The following SCAPER variants were observed in gnomAD, a reference collection of about 807,000 sequenced individuals.
SCAPER encodes S phase cyclin A-associated protein in the endoplasmic reticulum.
SCAPER carries 98 observed loss-of-function variants against 182.2 expected under a neutral mutation model. That is an observed-to-expected ratio of 0.54 (90% confidence interval 0.46 to 0.64). SCAPER has a LOEUF of 0.64. Ranked by LOEUF, SCAPER falls within the 30% of genes least tolerant of loss-of-function variation. The pLI, the probability that SCAPER is intolerant of heterozygous loss-of-function variation, is 0.00. For missense variants in SCAPER, 1,432 were observed against 1,690.0 expected (o/e 0.85, Z 2.68); for synonymous variants, 605 against 564.6 (o/e 1.07, Z -1.01).
At chr15:76,440,353 A>G (rs1462052899) in intron 25 of SCAPER, among the ~76,000 whole-genome samples, 1 of 152,246 alleles carries the variant, frequency 6.6e-6, no homozygotes, top group Non-Finnish European at 1.5e-5. Flanking sequence ...CCCATTGCCA[A>G]AGTGGTTTCA....
chr15:76,474,245 T>C (rs969988058), intron 24 of SCAPER, among the ~76,000 whole-genome samples: 6 of 152,238 alleles, frequency 3.9e-5, no homozygotes, highest in Non-Finnish European at 8.8e-5. Flanking sequence ...CAGAGTTATT[T>C]GTTCATTCAA....
At chr15:76,462,117 G>A (rs1183112703) in intron 25 of SCAPER, among the ~76,000 whole-genome samples, 1 of 152,054 alleles carries the variant, frequency 6.6e-6, no homozygotes, top group East Asian at 1.9e-4. Flanking sequence ...GGTTCTTCAG[G>A]ATAAAAAGAT....
chr15:76,807,462 GA>G (rs2066252622), intron 5 of SCAPER, among the ~76,000 whole-genome samples: 1 of 152,066 alleles, frequency 6.6e-6, no homozygotes, highest in African/African-American at 2.4e-5. Flanking sequence ...TTACTCTGTT[GA>G]GAATTTTTAT....
At chr15:76,370,775 G>A (rs1007485367) in intron 29 of SCAPER, among the ~76,000 whole-genome samples, 8 of 152,110 alleles carry the variant, frequency 5.3e-5, no homozygotes, top group Non-Finnish European at 1.2e-4. Flanking sequence ...TAGAACCCAG[G>A]CTTTCTATCT....
intron 20 of SCAPER, among the ~76,000 whole-genome samples, chr15:76,682,284 G>A (rs1242127778): frequency 1.6e-5 from 2 of 124,780 alleles, no homozygotes. Context: ...ACCCCACAGT[G>A]TACGTGTGAG....
intron 5 of SCAPER, among the ~76,000 whole-genome samples, chr15:76,817,477 G>T (rs1287452776): frequency 1.3e-5 from 2 of 152,112 alleles, no homozygotes; most frequent in Non-Finnish European, 2.9e-5. Flanking sequence ...TACGTAGGAT[G>T]AACAGGTCTA....
At chr15:76,756,973 G>A (rs1215569560) in intron 14 of SCAPER, among the ~76,000 whole-genome samples, 1 of 150,182 alleles carries the variant, frequency 6.7e-6, no homozygotes, top group African/African-American at 2.5e-5. Context: ...TAGTTATTCT[G>A]CTCTAAATAC....
intron 23 of SCAPER, among the ~76,000 whole-genome samples, chr15:76,568,289 T>C (rs981209886): frequency 1.3e-5 from 2 of 151,580 alleles, no homozygotes; most frequent in African/African-American, 4.9e-5. Flanking sequence ...TTGTCTCCAA[T>C]AGAACACTAT....
intron 5 of SCAPER, 133 bp downstream of exon 5, chr15:76,841,601 C>T (rs1190415639): frequency 1.4e-5 from 12 of 847,006 alleles, no homozygotes; most frequent in East Asian, 2.7e-5. Context: ...GAGCCAAGAT[C>T]GCGTCACTAC....
intron 5 of SCAPER, among the ~76,000 whole-genome samples, chr15:76,816,797 C>T (rs1412487092): frequency 2.6e-5 from 4 of 151,738 alleles, no homozygotes; most frequent in Admixed American, 6.6e-5. Context: ...GGACTACAGG[C>T]GCCCGCCACA....
intron 24 of SCAPER, among the ~76,000 whole-genome samples, chr15:76,495,091 G>T (rs1298508476): frequency 1.3e-5 from 2 of 152,026 alleles, no homozygotes; most frequent in East Asian, 3.9e-4. Flanking sequence ...GAAATCAAAT[G>T]CCTTACCATG....
At chr15:76,369,771 T>C (rs897560320) in intron 29 of SCAPER, among the ~76,000 whole-genome samples, 1 of 152,254 alleles carries the variant, frequency 6.6e-6, no homozygotes, top group African/African-American at 2.4e-5. Context: ...TTCCCAACTC[T>C]ATTGGGATAT....
rs1488619530 is a variant in SCAPER at position 76,354,051 on chromosome 15, T to C, written c.3945A>G (p.Lys1315=). Residue 1315 remains lysine, a synonymous_variant, in exon 30 of 32, where the codon AAA becomes AAG. Coordinates refer to ENST00000563290, the MANE Select transcript of SCAPER (RefSeq NM_020843.4). This position sits in a 1 kb window ranked among gnomAD's most constrained non-coding sequence, Gnocchi z 4.4. The part of the protein sequence containing the change: ...FQYFSDPRLI[K]VLFPSLIAAC... ...CAGCGATAAGTGAAGGGAACAGTAC[T>C]TTGATCAGCCGTGGGTCACTGAAAT... 5.0e-6 allele frequency: 8 copies of C among 1,610,262 alleles called. No homozygotes were observed. Among genetic ancestry groups the C allele is most frequent in the African/African-American group, 1.3e-5 (1 of 74,650 alleles).
intron 26 of SCAPER, among the ~76,000 whole-genome samples, chr15:76,433,172 T>A (rs1228388403): frequency 6.6e-6 from 1 of 152,076 alleles, no homozygotes; most frequent in Non-Finnish European, 1.5e-5. Flanking sequence ...TCAAGAAACT[T>A]GTAAAAGCTC....
rs1249829481 is a variant in SCAPER, at chr15:76,862,513, A to G, written c.27T>C (p.Asn9=). Residue 9 remains asparagine (N), a synonymous_variant, in exon 3 of 32, where the codon AAT becomes AAC. Transcript: ENST00000563290. MMASFQRS[N]SHDKVRRIVA... is the part of the protein sequence containing the mutation. ...CTATTCTCCTTACTTTGTCATGACT[A>G]TTGGAGCGCTGGAATGAAGCCTATG... 1.9e-6 allele frequency: 3 copies of G among 1,611,518 alleles called. No individual in the cohort carries two copies. The highest frequency in any genetic ancestry group is 2.5e-6 in the Non-Finnish European group (3 of 1,178,358).
intron 26 of SCAPER, among the ~76,000 whole-genome samples, chr15:76,419,605 G>A (rs910767342): frequency 5.3e-5 from 8 of 151,366 alleles, no homozygotes; most frequent in African/African-American, 1.7e-4. Flanking sequence ...CTGTAATCCC[G>A]GCTACTTGGG....
Position 76,870,626 on chromosome 15 carries a change from A to C in SCAPER, c.7-8093T>G, listed in dbSNP as rs969991304. ...AAGAATCAAAAAACTGAAATTAAGA[A>C]CTCAATGAATGGGTTTAACAAGAAA... On this transcript the variant is annotated intron_variant, in intron 2 of 31. Coordinates refer to ENST00000563290, the MANE Select transcript of SCAPER (RefSeq NM_020843.4). 1.2e-4 allele frequency among the ~76,000 whole-genome samples: 18 copies of C among 152,160 alleles called. 1 individual carries two copies. Among genetic ancestry groups the C allele is most frequent in the African/African-American group, 3.8e-4 (16 of 41,568 alleles).
intron 17 of SCAPER, among the ~76,000 whole-genome samples, chr15:76,708,840 C>G (rs1023901329): frequency 2.0e-5 from 3 of 151,962 alleles, no homozygotes; most frequent in African/African-American, 7.2e-5. Context: ...CCAAGGCAGG[C>G]AGATCACTTG....
intron 23 of SCAPER, among the ~76,000 whole-genome samples, chr15:76,515,527 T>C (rs1370859189): frequency 1.3e-5 from 2 of 152,178 alleles, no homozygotes; most frequent in Non-Finnish European, 2.9e-5. Flanking sequence ...AAATGGGTTA[T>C]ATAGACAAGA....
Sources: gnomAD v4.1 joint callset for allele counts (sites outside exome capture counted in the v4.1 genomes callset) on GRCh38, gnomAD v4.1.1 for gene constraint, Gnocchi (gnomAD v3.1) non-coding constraint, MANE v1.5 for transcripts, NCBI Gene and HGNC (gene_info 2026-07-23, HGNC 2026-07-21) for gene names.